Variants in CAPS2 observed in about 807,000 individuals in gnomAD.
The protein encoded by CAPS2 is calcyphosin-2.
Under a neutral mutation model 86.5 loss-of-function variants are expected in CAPS2, and 98 were observed. The ratio of observed to expected loss-of-function variants is 1.13; its 90% CI spans 0.96 to 1.34. CAPS2 has a LOEUF of 1.34. CAPS2 is among the 40% of genes most tolerant of loss of function. CAPS2 has a pLI of 0.00. For synonymous variants in CAPS2, 210 were observed against 225.1 expected (o/e 0.93, Z 0.60); for missense variants, 729 against 686.8 (o/e 1.06, Z -0.69).
At chr12:75,375,018 G>A (rs2139750967) in intron 1 of CAPS2, among the ~76,000 whole-genome samples, 1 of 152,250 alleles carries the variant, frequency 6.6e-6, no homozygotes, top group African/African-American at 2.4e-5. Context: ...AGTCCTTCAT[G>A]GTGGCACTAA....
At chr12:75,375,265 C>T (rs984214647) in intron 1 of CAPS2, among the ~76,000 whole-genome samples, 2 of 152,152 alleles carry the variant, frequency 1.3e-5, no homozygotes, top group Admixed American at 1.3e-4. Context: ...CACTGTGAGT[C>T]AGAACTGAGC....
In CAPS2 at chr12:75,304,299, A is replaced by G. The variant is rs567328786; in HGVS notation, c.779+458T>C. ...TCTACTAAAGCCGAGGTTAGATGTC[A>G]GTGAAACTGTTGAAGAATTTAAGTG... On this transcript the variant is annotated intron_variant, in intron 8 of 16. Transcript: ENST00000393284. Among the ~76,000 whole-genome samples, 3 of 152,372 alleles carry G rather than the reference A, an allele frequency of 2.0e-5. No individual in the cohort carries two copies. The South Asian group carries it at 6.2e-4, about 32-fold the overall frequency.
exon 15 of CAPS2, chr12:75,285,079 T>C: frequency 6.2e-7 from 1 of 1,604,898 alleles, no homozygotes; most frequent in Non-Finnish European, 8.5e-7. Flanking sequence ...AGACTCAAAA[T>C]CCTAGAAACA....
intron 1 of CAPS2, chr12:75,371,509 A>G (rs2044357769): frequency 3.0e-6 from 1 of 328,196 alleles, no homozygotes; most frequent in Non-Finnish European, 6.2e-6. Flanking sequence ...AATATTAACC[A>G]TCACAAGTCC....
chr12:75,331,354 T>A (rs1164869385), upstream of CAPS2, among the ~76,000 whole-genome samples: 1 of 152,194 alleles, frequency 6.6e-6, no homozygotes, highest in African/African-American at 2.4e-5. Context: ...AACGTGAATA[T>A]TTCCAGTATT....
intron 1 of CAPS2, among the ~76,000 whole-genome samples, chr12:75,337,835 T>C (rs1291127737): frequency 6.6e-6 from 1 of 152,174 alleles, no homozygotes; most frequent in African/African-American, 2.4e-5. Context: ...TTTTCGACTA[T>C]TGTCTTCTTT....
At chr12:75,361,737 G>C (rs1240218658) in intron 1 of CAPS2, among the ~76,000 whole-genome samples, 1 of 152,110 alleles carries the variant, frequency 6.6e-6, no homozygotes, top group African/African-American at 2.4e-5. Context: ...GATCTCAGTA[G>C]AACTCACTCA....
At chr12:75,363,687 G>C (rs987986687) in intron 1 of CAPS2, among the ~76,000 whole-genome samples, 1 of 152,084 alleles carries the variant, frequency 6.6e-6, no homozygotes, top group African/African-American at 2.4e-5. Flanking sequence ...AAAAAATGGA[G>C]CCATGTGTCA....
chr12:75,333,818 T>C (rs2041513715), upstream of CAPS2: 1 of 152,212 alleles, frequency 6.6e-6, no homozygotes, highest in Admixed American at 6.5e-5. Flanking sequence ...AGGTATTTAT[T>C]TGAAACATAG....
chr12:75,358,579 T>C (rs1293358972), intron 1 of CAPS2, among the ~76,000 whole-genome samples: 1 of 150,944 alleles, frequency 6.6e-6, no homozygotes, highest in Non-Finnish European at 1.5e-5. Context: ...TATGAAAAAC[T>C]GACCACTAAC....
intron 11 of CAPS2, 76 bp from the exon 12 acceptor site, chr12:75,293,443 T>C (rs1326508907): frequency 6.7e-6 from 6 of 901,394 alleles, no homozygotes; most frequent in Non-Finnish European, 1.1e-5. Context: ...TTTTAAATAA[T>C]GGATTTTGAT....
chr12:75,321,135 C>G (rs889390598), intron 5 of CAPS2, among the ~76,000 whole-genome samples: 3 of 152,016 alleles, frequency 2.0e-5, no homozygotes, highest in Non-Finnish European at 4.4e-5. Flanking sequence ...ACGTGAAAAA[C>G]TTCTAACAGA....
intron 8 of CAPS2, among the ~76,000 whole-genome samples, chr12:75,303,557 C>T (rs532976310): frequency 6.6e-6 from 1 of 152,236 alleles, no homozygotes; most frequent in African/African-American, 2.4e-5. Flanking sequence ...TTGATAATTC[C>T]TATGTTGTGC....
At chr12:75,298,527 T>C in intron 11 of CAPS2, 160 bp downstream of exon 11, 1 of 538,298 alleles carries the variant, frequency 1.9e-6, no homozygotes, top group Non-Finnish European at 3.3e-6. Flanking sequence ...AAGCAGAAGC[T>C]CCTGGCAAAA....
At chr12:75,381,794 T>C (rs1194895295) in intron 1 of CAPS2, among the ~76,000 whole-genome samples, 4 of 151,890 alleles carry the variant, frequency 2.6e-5, no homozygotes, top group Non-Finnish European at 5.9e-5. Flanking sequence ...TTTGTATTTT[T>C]AGTAGAGACA....
chr12:75,354,170 G>C lies in CAPS2; in HGVS notation c.-394-30948C>G, dbSNP rs558010427. 8.3e-5 allele frequency among the ~76,000 whole-genome samples: 12 copies of C among 145,008 alleles called. 1 individual carries two copies. The highest frequency in any genetic ancestry group is 4.8e-4 in the South Asian group (2 of 4,178). ...CAATCAGGGAAGAGAAAAAAAAGGG[G>C]GGGGGGTATTCAAATAGGAAAAGAG... On this transcript the variant is annotated intron_variant, in intron 1 of 5. Transcript: ENST00000551829.
chr12:75,356,891 T>A (rs1300694522), intron 1 of CAPS2, among the ~76,000 whole-genome samples: 1 of 151,996 alleles, frequency 6.6e-6, no homozygotes, highest in African/African-American at 2.4e-5. Context: ...CTAACATCAG[T>A]CAAAGAAGGC....
At chr12:75,292,769 TA>T (rs900389561) in intron 12 of CAPS2, among the ~76,000 whole-genome samples, 2 of 149,170 alleles carry the variant, frequency 1.3e-5, no homozygotes, top group African/African-American at 2.4e-5. Flanking sequence ...TTCCTGTTAT[TA>T]AAAAAATTCA....
At chr12:75,291,566 AGTATATATATAT>A (rs2035918385) in intron 13 of CAPS2, among the ~76,000 whole-genome samples, 166 bp downstream of exon 13, 2 of 41,832 alleles carry the variant, frequency 4.8e-5, no homozygotes, top group Non-Finnish European at 8.2e-5. Flanking sequence ...TATTTTTAAA[AGTATATATATAT>A]ATATATATAT....
Sources: gnomAD v4.1 joint callset for allele counts (sites outside exome capture counted in the v4.1 genomes callset) on GRCh38, gnomAD v4.1.1 for gene constraint, MANE v1.5 for transcripts, NCBI Gene and HGNC (gene_info 2026-07-23, HGNC 2026-07-21) for gene names.